The following STX8 variants were observed in gnomAD, a reference collection of about 807,000 sequenced individuals.
STX8 encodes the protein syntaxin 8, also known as syntaxin-8.
STX8 carries 23 observed loss-of-function variants against 37.5 expected under a neutral mutation model. The ratio of observed to expected loss-of-function variants is 0.61; its 90% CI spans 0.44 to 0.87. The LOEUF (loss-of-function observed/expected upper bound fraction) is 0.87. STX8 is among the 40% of genes least tolerant of loss of function. The pLI, the probability that STX8 is intolerant of heterozygous loss-of-function variation, is 0.00. For synonymous variants in STX8, 115 were observed against 99.1 expected, an observed-to-expected ratio of 1.16 and a Z score of -0.95; for missense variants, 313 against 284.7, an observed-to-expected ratio of 1.10 and a Z score of -0.71.
chr17:9,267,000 G>A (rs981571481), intron 7 of STX8, among the ~76,000 whole-genome samples: 19 of 152,258 alleles, frequency 1.2e-4, no homozygotes, highest in East Asian at 7.7e-4. Flanking sequence ...TCAACATTCC[G>A]CAGTCTGAAG....
chr17:9,556,768 T>TATATATATATACATAC (rs1906986351), intron 3 of STX8: 2 of 61,032 alleles, frequency 3.3e-5, no homozygotes, highest in African/African-American at 1.8e-4. Flanking sequence ...TATATATATA[T>TATATATATATACATAC]ATATATATAT....
intron 5 of STX8, among the ~76,000 whole-genome samples, chr17:9,496,091 T>C (rs1035708302): frequency 2.3e-5 from 3 of 128,166 alleles, no homozygotes; most frequent in African/African-American, 6.2e-5. Flanking sequence ...TTTTTTTTTT[T>C]TGAGACAGAG....
At chr17:9,394,067 A>AG (rs1376776200) in intron 6 of STX8, among the ~76,000 whole-genome samples, 1 of 152,216 alleles carries the variant, frequency 6.6e-6, no homozygotes, top group East Asian at 1.9e-4. Flanking sequence ...GAACAAGAGG[A>AG]GGAAAAACAA....
intron 7 of STX8, among the ~76,000 whole-genome samples, chr17:9,357,259 C>T (rs987786146): frequency 8.9e-4 from 135 of 152,142 alleles, no homozygotes; most frequent in African/African-American, 2.9e-3. Context: ...TGAGCCACTG[C>T]GCCCGGCCCT....
intron 6 of STX8, among the ~76,000 whole-genome samples, chr17:9,396,714 G>GAA (rs368111268): frequency 2.5e-5 from 3 of 121,284 alleles, no homozygotes; most frequent in South Asian, 2.9e-4. Context: ...AACACCATCT[G>GAA]AAAAAAAAAA....
intron 6 of STX8, among the ~76,000 whole-genome samples, chr17:9,473,511 C>T (rs11653916): frequency 0.26 from 39,670 of 152,060 alleles, 5,563 homozygotes; most frequent in Non-Finnish European, 0.32. Context: ...AACCTACACA[C>T]ATCCTCCCGT....
chr17:9,304,744 T>A (rs12946494), intron 7 of STX8, among the ~76,000 whole-genome samples: 17,133 of 151,938 alleles, frequency 0.11, 1,250 homozygotes, highest in Non-Finnish European at 0.17. Flanking sequence ...GAGGCGATAG[T>A]CTTATACAAT....
intron 6 of STX8, among the ~76,000 whole-genome samples, chr17:9,414,105 TCCATCCATCCATCCATCCATCCAA>T (rs1567549754): frequency 0.1 from 1,517 of 14,904 alleles, 8 homozygotes; most frequent in Middle Eastern, 0.17. Context: ...CATCCATCCA[TCCATCCATCCATCCATCCATCCAA>T]CCATCCATCC....
intron 6 of STX8, among the ~76,000 whole-genome samples, chr17:9,459,960 C>T (rs745338757): frequency 1.3e-5 from 2 of 152,112 alleles, no homozygotes; most frequent in African/African-American, 4.8e-5. Context: ...CTGGCAGAGC[C>T]GAATAGAGAG....
chr17:9,327,573 C>T (rs1215598408), intron 7 of STX8, among the ~76,000 whole-genome samples: 4 of 152,138 alleles, frequency 2.6e-5, no homozygotes, highest in African/African-American at 9.7e-5. Context: ...TTGGATTCTT[C>T]CTGGTCTCTC....
At chr17:9,476,277 T>G (rs1906100369) in intron 6 of STX8, among the ~76,000 whole-genome samples, 1 of 152,182 alleles carries the variant, frequency 6.6e-6, no homozygotes. Flanking sequence ...ATATGAAGAA[T>G]CAATGAAGAA....
At chr17:9,462,519 T>C (rs1905439543) in intron 6 of STX8, among the ~76,000 whole-genome samples, 1 of 152,096 alleles carries the variant, frequency 6.6e-6, no homozygotes, top group South Asian at 2.1e-4. Flanking sequence ...AACAGGAGTT[T>C]GAGACCAGCC....
chr17:9,326,494 C>T (rs1009497657), intron 7 of STX8, among the ~76,000 whole-genome samples: 9 of 152,132 alleles, frequency 5.9e-5, no homozygotes, highest in South Asian at 2.1e-4. Flanking sequence ...AGTGTTCTTT[C>T]GATAAATTCC....
intron 6 of STX8, among the ~76,000 whole-genome samples, chr17:9,417,349 G>A (rs1334990482): frequency 1.3e-5 from 2 of 152,004 alleles, no homozygotes; most frequent in African/African-American, 2.4e-5. Flanking sequence ...GCCAAGGAAC[G>A]ATTTTTCTCA....
At chr17:9,441,081 A>T (rs1279952128) in intron 6 of STX8, among the ~76,000 whole-genome samples, 3 of 152,146 alleles carry the variant, frequency 2.0e-5, no homozygotes, top group Non-Finnish European at 2.9e-5. Context: ...ACTCAGGCCA[A>T]ATGAGAGGCG....
At chr17:9,388,826 A>C (rs1250077454) in intron 6 of STX8, among the ~76,000 whole-genome samples, 2 of 151,946 alleles carry the variant, frequency 1.3e-5, no homozygotes, top group African/African-American at 2.4e-5. Flanking sequence ...AAAAAAAAAA[A>C]AAACCATACA....
Position 9,346,011 on chromosome 17 carries a change from C to T in STX8, c.643+32541G>A, listed in dbSNP as rs1179087735. On this transcript the variant is annotated intron_variant, in intron 7 of 7. Transcript: ENST00000306357. Reference sequence around the variant, plus strand: ...GAATTACAGGCACACGCCACCACACCCGGCTCATTTTTGTATTTTTAGTAC... The same window carrying T: ...GAATTACAGGCACACGCCACCACACTCGGCTCATTTTTGTATTTTTAGTAC... 2.6e-5 allele frequency among the ~76,000 whole-genome samples: 4 copies of T among 152,002 alleles called. No individual in the cohort carries two copies. In the East Asian group the frequency reaches 7.7e-4, roughly 29 times the overall value.
chr17:9,429,759 T>A (rs1217314802), intron 6 of STX8, among the ~76,000 whole-genome samples: 1 of 47,438 alleles, frequency 2.1e-5, no homozygotes, highest in Non-Finnish European at 3.5e-5. Context: ...TATTATATTT[T>A]ATATATTATA....
At chr17:9,287,908 G>A (rs183503085) in intron 7 of STX8, among the ~76,000 whole-genome samples, 218 of 151,828 alleles carry the variant, frequency 1.4e-3, no homozygotes, top group African/African-American at 4.7e-3. Context: ...GCACCACCAC[G>A]CCCAGCTAAT....
Sources: allele counts gnomAD v4.1 joint callset (sites outside exome capture counted in the v4.1 genomes callset), GRCh38; gene constraint gnomAD v4.1.1; transcripts MANE v1.5; gene names NCBI Gene and HGNC (gene_info 2026-07-23, HGNC 2026-07-21).